MTOR: variants seen among roughly 807,000 people sequenced by gnomAD.
MTOR encodes serine/threonine-protein kinase mTOR.
In MTOR, 70 loss-of-function variants were observed where a neutral mutation model predicts 319.8. That is an observed-to-expected ratio of 0.22 (90% CI 0.18 to 0.27). The LOEUF is 0.27. Among genes scored for constraint, MTOR ranks in the 10% least tolerant of loss-of-function variants. The pLI is 1.00. For missense variants in MTOR, 1,890 were observed against 3,274.4 expected (o/e 0.58, Z 10.32); for synonymous variants, 1,183 against 1,211.4 (o/e 0.98, Z 0.49).
intron 19 of MTOR, among the ~76,000 whole-genome samples, chr1:11,223,131 A>G (rs1279971080): frequency 1.3e-5 from 2 of 152,150 alleles, no homozygotes; most frequent in Non-Finnish European, 2.9e-5. Flanking sequence ...AGTATGAGAA[A>G]CAGGACAAAT....
At chr1:11,116,411 C>T (rs537285349) in intron 50 of MTOR, among the ~76,000 whole-genome samples, 5 of 152,254 alleles carry the variant, frequency 3.3e-5, no homozygotes, top group African/African-American at 1.2e-4. Flanking sequence ...ACCTTCTGGA[C>T]TTAAGTGATC....
chr1:11,209,565 CA>C (rs768930000), intron 24 of MTOR, 107 bp from the exon 25 acceptor site: 12 of 1,343,670 alleles, frequency 8.9e-6, no homozygotes, highest in African/African-American at 1.5e-5. Flanking sequence ...GCCAGGATTT[CA>C]GTAAGAAGTA....
At chr1:11,150,841 C>T (rs1644116330) in intron 30 of MTOR, among the ~76,000 whole-genome samples, 1 of 152,160 alleles carries the variant, frequency 6.6e-6, no homozygotes, top group African/African-American at 2.4e-5. Context: ...CAAAAGAGAA[C>T]ATGGAAGCCC....
chr1:11,174,151 A>AAG (rs1280731540), intron 28 of MTOR, among the ~76,000 whole-genome samples: 2 of 152,040 alleles, frequency 1.3e-5, no homozygotes, highest in Non-Finnish European at 2.9e-5. Flanking sequence ...TGTTGAGGTA[A>AAG]AGAGAAAAAA....
intron 28 of MTOR, among the ~76,000 whole-genome samples, chr1:11,183,818 GA>G (rs777233659): frequency 9.4e-5 from 14 of 148,592 alleles, no homozygotes; most frequent in Middle Eastern, 3.5e-3. Flanking sequence ...ATCACTGAGG[GA>G]AAAAAAAAAA....
intron 28 of MTOR, among the ~76,000 whole-genome samples, chr1:11,172,641 T>G (rs2100634557): frequency 1.3e-5 from 2 of 148,382 alleles, no homozygotes; most frequent in African/African-American, 5.0e-5. Context: ...GAGGCCGAGG[T>G]GGGCGGATCA....
chr1:11,251,426 C>T (rs1467442342), intron 6 of MTOR, among the ~76,000 whole-genome samples: 1 of 152,176 alleles, frequency 6.6e-6, no homozygotes, highest in Non-Finnish European at 1.5e-5. Context: ...CTCTATTCCC[C>T]TTCCTTGCCC....
intron 6 of MTOR, 97 bp from the exon 7 acceptor site, chr1:11,248,191 G>T: frequency 7.9e-7 from 1 of 1,262,482 alleles, no homozygotes; most frequent in Non-Finnish European, 1.1e-6. Flanking sequence ...GCCTAATCCC[G>T]AAACGCAACT....
In MTOR at chr1:11,146,710, G is replaced by A; in HGVS notation, c.4652C>T (p.Ala1551Val). ...CAAGGAGAAGAGGTCCTGATGCAGT[G>A]CCAGCACAGCTCTATAAAATGCCCC... is the stretch of plus-strand genomic sequence containing the variant. ...HDGAFYRAVL[A>V]LHQDLFSLAQ... is the part of the protein sequence containing the mutation. Residue 1551 changes from alanine to valine, a missense_variant, in exon 32 of 58, where the codon GCA (alanine) becomes GTA (valine). Around this residue, in one of 15 missense-constraint regions of MTOR, gnomAD observed 276 missense variants for 459.4 expected, o/e 0.60. Coordinates refer to ENST00000361445, the MANE Select transcript of MTOR (RefSeq NM_004958.4). 1 of 1,614,058 alleles carries A rather than the reference G, an allele frequency of 6.2e-7. No homozygotes were observed. The highest frequency in any genetic ancestry group is 1.1e-5 in the South Asian group (1 of 91,070).
rs552467997 is a variant in MTOR, at chr1:11,186,000, G to A, written c.4253+13258C>T. Among the ~76,000 whole-genome samples the A allele has an allele frequency of 4.7e-5, 7 of 148,082 alleles. No homozygotes were observed. In the South Asian group the frequency reaches 6.6e-4, roughly 14 times the overall value. ...GGGAGGCTGAGGCAGGAGAATTGGC[G>A]TGAACCCGGGAGGCAGAGCTTCCAG... On this transcript the variant is annotated intron_variant, in intron 28 of 57. Transcript: ENST00000361445.
At chr1:11,258,169 C>T (rs1650670159) in intron 3 of MTOR, among the ~76,000 whole-genome samples, 1 of 151,848 alleles carries the variant, frequency 6.6e-6, no homozygotes, top group Non-Finnish European at 1.5e-5. Context: ...CATTCGTGAG[C>T]CCCACTATGC....
intron 54 of MTOR, among the ~76,000 whole-genome samples, chr1:11,110,364 T>G (rs1163469389): frequency 6.6e-6 from 1 of 152,174 alleles, no homozygotes; most frequent in Non-Finnish European, 1.5e-5. Flanking sequence ...ATGCTGTCCT[T>G]GTACATCACA....
Position 11,129,842 on chromosome 1 carries a change from T to C in MTOR, c.5614-4A>G. 6.2e-7 allele frequency: 1 copy of C among 1,613,696 alleles called. No homozygotes were observed. Among genetic ancestry groups the C allele is most frequent in the Non-Finnish European group, 8.5e-7 (1 of 1,179,586 alleles). On this transcript the variant is annotated splice_region_variant and splice_polypyrimidine_tract_variant and intron_variant, in intron 39 of 57. Transcript: ENST00000361445. The surrounding 1 kb of genome is among the most constrained non-coding windows in gnomAD (Gnocchi z 4.7). ...TCAGGAGGGTTTTGGACAGATCCTG[T>C]TGGAACACACACGTGTTAGCGACAC...
At chr1:11,189,761 G>A in intron 28 of MTOR, 1 of 1,614,172 alleles carries the variant, frequency 6.2e-7, no homozygotes, top group East Asian at 2.2e-5. Flanking sequence ...AACCTTAGCA[G>A]CCTGCTGAGT....
At chr1:11,152,895 C>T (rs533773012) in intron 30 of MTOR, among the ~76,000 whole-genome samples, 28 of 152,286 alleles carry the variant, frequency 1.8e-4, no homozygotes, top group African/African-American at 6.7e-4. Flanking sequence ...TTTTAGTCTC[C>T]CACATTCTTA....
At chr1:11,181,065 T>A (rs954451155) in intron 28 of MTOR, among the ~76,000 whole-genome samples, 5 of 152,116 alleles carry the variant, frequency 3.3e-5, no homozygotes, top group African/African-American at 1.2e-4. Context: ...ATGAGCCACC[T>A]TGCCCGCCCG....
intron 28 of MTOR, among the ~76,000 whole-genome samples, chr1:11,171,385 A>G (rs1426395779): frequency 6.6e-6 from 1 of 151,812 alleles, no homozygotes; most frequent in Non-Finnish European, 1.5e-5. Flanking sequence ...TGGCTCAAGC[A>G]ATCCTCTGGC....
chr1:11,153,440 C>T (rs1571008510), intron 30 of MTOR, among the ~76,000 whole-genome samples: 1 of 152,160 alleles, frequency 6.6e-6, no homozygotes. Flanking sequence ...TATGTAAATC[C>T]AATGGCAACA....
intron 19 of MTOR, among the ~76,000 whole-genome samples, chr1:11,221,145 C>G (rs1646647486): frequency 6.6e-6 from 1 of 152,018 alleles, no homozygotes; most frequent in Admixed American, 6.5e-5. Flanking sequence ...CAGGCATGCA[C>G]CACCATGCCC....
Sources: allele counts gnomAD v4.1 joint callset (sites outside exome capture counted in the v4.1 genomes callset), GRCh38; gene constraint gnomAD v4.1.1; regional missense constraint gnomAD v4.1.1; non-coding constraint Gnocchi (gnomAD v3.1); transcripts MANE v1.5; gene names NCBI Gene and HGNC (gene_info 2026-07-23, HGNC 2026-07-21).